ENOX1: variants seen among roughly 807,000 people sequenced by gnomAD.
The protein encoded by ENOX1 is candidate growth-related and time keeping constitutive hydroquinone (NADH) oxidase.
In ENOX1, 42 loss-of-function variants were observed where a neutral mutation model predicts 82.5. The ratio of observed to expected loss-of-function variants is 0.51; its 90% CI spans 0.40 to 0.66. ENOX1 has a LOEUF of 0.66. Ranked by LOEUF, ENOX1 falls within the 30% of genes least tolerant of loss-of-function variation. ENOX1 has a pLI of 0.00. For synonymous variants in ENOX1, 271 were observed against 282.2 expected, an observed-to-expected ratio of 0.96 and a Z score of 0.40; for missense variants, 608 against 811.6, an observed-to-expected ratio of 0.75 and a Z score of 3.05.
chr13:43,498,023 C>A (rs1467347878), intron 2 of ENOX1, among the ~76,000 whole-genome samples: 3 of 151,956 alleles, frequency 2.0e-5, no homozygotes, highest in Non-Finnish European at 4.4e-5. Flanking sequence ...GCTTCTCATA[C>A]CCTATAATAA....
intron 2 of ENOX1, among the ~76,000 whole-genome samples, chr13:43,501,896 TAG>T (rs2076995830): frequency 6.7e-6 from 1 of 150,170 alleles, no homozygotes; most frequent in South Asian, 2.1e-4. Flanking sequence ...TATTAAACGT[TAG>T]AACAGAAATA....
chr13:43,308,202 C>G (rs2046979969), intron 11 of ENOX1, among the ~76,000 whole-genome samples: 1 of 152,192 alleles, frequency 6.6e-6, no homozygotes, highest in Admixed American at 6.5e-5. Context: ...AGAGGATACT[C>G]CAAATGTGCC....
chr13:43,719,760 G>T (rs554094789), intron 1 of ENOX1, among the ~76,000 whole-genome samples: 1 of 152,182 alleles, frequency 6.6e-6, no homozygotes, highest in East Asian at 1.9e-4. Context: ...ACACCTTTTG[G>T]CTATGGAGCT....
intron 1 of ENOX1, among the ~76,000 whole-genome samples, chr13:43,748,603 G>A (rs530111249): frequency 1.3e-5 from 2 of 152,140 alleles, no homozygotes; most frequent in African/African-American, 4.8e-5. Context: ...TGGGCAAGTC[G>A]GTAAACCCAG....
chr13:43,490,321 C>T (rs1050488784), intron 2 of ENOX1, among the ~76,000 whole-genome samples: 3 of 152,150 alleles, frequency 2.0e-5, no homozygotes, highest in Admixed American at 2.0e-4. Context: ...TTTGCCTTGA[C>T]ATGAATTATG....
At chr13:43,615,137 G>T (rs1214355317) in intron 2 of ENOX1, among the ~76,000 whole-genome samples, 1 of 152,040 alleles carries the variant, frequency 6.6e-6, no homozygotes, top group Non-Finnish European at 1.5e-5. Flanking sequence ...AAAATAAGAG[G>T]AATAAATAAA....
At chr13:43,356,926 C>G (rs1472685007) in intron 7 of ENOX1, among the ~76,000 whole-genome samples, 1 of 151,988 alleles carries the variant, frequency 6.6e-6, no homozygotes. Context: ...GAGCCCAGAG[C>G]TAGACAAAGA....
chr13:43,556,459 A>G (rs866484146), intron 2 of ENOX1, among the ~76,000 whole-genome samples: 1 of 152,146 alleles, frequency 6.6e-6, no homozygotes, highest in East Asian at 1.9e-4. Flanking sequence ...TTTTTTTCTT[A>G]TAAGCTCAAA....
chr13:43,752,155 T>C (rs1950358907), intron 1 of ENOX1, among the ~76,000 whole-genome samples: 1 of 152,236 alleles, frequency 6.6e-6, no homozygotes, highest in Admixed American at 6.5e-5. Flanking sequence ...CATCTTCTCA[T>C]GTGCTTATTT....
intron 1 of ENOX1, among the ~76,000 whole-genome samples, chr13:43,734,274 AC>A (rs2089499779): frequency 6.6e-6 from 1 of 151,952 alleles, no homozygotes; most frequent in Admixed American, 6.6e-5. Flanking sequence ...CTTAATGGCA[AC>A]CCTAGAGAAC....
intron 2 of ENOX1, among the ~76,000 whole-genome samples, chr13:43,502,624 T>C (rs188125775): frequency 1.3e-5 from 2 of 151,604 alleles, no homozygotes; most frequent in East Asian, 3.9e-4. Context: ...ATAATATTAA[T>C]AGATGCAGAA....
At chr13:43,623,876 AGCT>A (rs1297295389) in intron 2 of ENOX1, among the ~76,000 whole-genome samples, 1 of 152,224 alleles carries the variant, frequency 6.6e-6, no homozygotes. Context: ...TTGTAAATAA[AGCT>A]GCTATGAATA....
chr13:43,588,034 A>G (rs1033280493), intron 2 of ENOX1, among the ~76,000 whole-genome samples: 2 of 152,208 alleles, frequency 1.3e-5, no homozygotes, highest in Non-Finnish European at 2.9e-5. Flanking sequence ...AAAGCAATGG[A>G]AAGGGAGACC....
rs186386613 is a variant in ENOX1, at chr13:43,554,869, G to A, written c.-218-70717C>T. The stretch of plus-strand genomic sequence containing the variant: ...TGCTGGGATTAAAAGTGTGAGCCAC[G>A]GTGCCTGGCCCTAACCAGGTTTTTT... On this transcript the variant is annotated intron_variant, in intron 2 of 16. Transcript: ENST00000690772. Among the ~76,000 whole-genome samples the A allele has an allele frequency of 2.4e-3, 365 of 152,258 alleles. 6 individuals are homozygous for A. Among genetic ancestry groups the A allele is most frequent in the Non-Finnish European group, 2.6e-3 (180 of 68,014 alleles).
At chr13:43,251,365 C>T (rs775489082) in intron 14 of ENOX1, among the ~76,000 whole-genome samples, 20 of 152,186 alleles carry the variant, frequency 1.3e-4, no homozygotes, top group Non-Finnish European at 2.8e-4. Flanking sequence ...GATTCATGAG[C>T]TGACTGAGGC....
At chr13:43,734,789 T>G (rs1329392190) in intron 1 of ENOX1, among the ~76,000 whole-genome samples, 1 of 152,164 alleles carries the variant, frequency 6.6e-6, no homozygotes, top group Non-Finnish European at 1.5e-5. Flanking sequence ...AGTTTCTGGT[T>G]TGCTCGGTTT....
At chr13:43,472,903 T>C (rs1406261483) in intron 3 of ENOX1, among the ~76,000 whole-genome samples, 1 of 152,202 alleles carries the variant, frequency 6.6e-6, no homozygotes, top group Non-Finnish European at 1.5e-5. Flanking sequence ...ATTTCACAAA[T>C]ACAATTTTAG....
chr13:43,573,375 G>A (rs2153712461), intron 2 of ENOX1, among the ~76,000 whole-genome samples: 1 of 152,238 alleles, frequency 6.6e-6, no homozygotes, highest in East Asian at 1.9e-4. Flanking sequence ...CCAATCCCAT[G>A]CCTCAATATT....
chr13:43,429,822 T>C (rs1566198008), intron 3 of ENOX1, among the ~76,000 whole-genome samples: 1 of 152,208 alleles, frequency 6.6e-6, no homozygotes, highest in Non-Finnish European at 1.5e-5. Flanking sequence ...AGCTCCTTGC[T>C]AAGCTAAATT....
Sources: allele counts gnomAD v4.1 joint callset (sites outside exome capture counted in the v4.1 genomes callset), GRCh38; gene constraint gnomAD v4.1.1; transcripts MANE v1.5; gene names NCBI Gene and HGNC (gene_info 2026-07-23, HGNC 2026-07-21).